Variants in RBFOX1 observed in about 807,000 individuals in gnomAD.
RBFOX1 encodes RNA binding fox-1 homolog 1, also known as RNA binding protein fox-1 homolog 1.
A neutral mutation model predicts 57.7 loss-of-function variants in RBFOX1; 8 were observed. The ratio of observed to expected loss-of-function variants is 0.14; its 90% confidence interval spans 0.08 to 0.25. RBFOX1 has a LOEUF of 0.25. Among genes scored for constraint, RBFOX1 ranks in the 10% least tolerant of loss-of-function variants. The pLI, the probability that RBFOX1 is intolerant of heterozygous loss-of-function variation, is 1.00. For missense variants in RBFOX1, 611 were observed against 548.5 expected (o/e 1.11, Z -1.14); for synonymous variants, 326 against 222.4 (o/e 1.47, Z -4.15).
chr16:5,557,133 A>G (rs1461952297), intron 2 of RBFOX1, among the ~76,000 whole-genome samples: 2 of 151,704 alleles, frequency 1.3e-5, no homozygotes, highest in African/African-American at 4.8e-5. Context: ...GGTGGCAGGC[A>G]CCTGTAGTCC....
intron 2 of RBFOX1, among the ~76,000 whole-genome samples, chr16:6,451,860 G>A (rs931185720): frequency 2.6e-5 from 4 of 151,334 alleles, no homozygotes; most frequent in African/African-American, 9.7e-5. Flanking sequence ...TTCCATCCAT[G>A]GCTCCTTCCT....
At chr16:7,368,144 G>A (rs1241498221) in intron 4 of RBFOX1, among the ~76,000 whole-genome samples, 1 of 151,954 alleles carries the variant, frequency 6.6e-6, no homozygotes, top group Non-Finnish European at 1.5e-5. Context: ...GCACACACCA[G>A]TAGTCCCAGC....
At chr16:7,203,849 A>G (rs11640114) in intron 4 of RBFOX1, among the ~76,000 whole-genome samples, 31,441 of 152,206 alleles carry the variant, frequency 0.21, 3,866 homozygotes, top group Non-Finnish European at 0.29. Flanking sequence ...TTAACCAGAA[A>G]TCTAAGTTTG....
intron 2 of RBFOX1, among the ~76,000 whole-genome samples, chr16:6,460,258 C>G (rs1406942064): frequency 1.3e-5 from 2 of 151,922 alleles, no homozygotes; most frequent in Non-Finnish European, 2.9e-5. Context: ...GTGTTTTTCC[C>G]TGTGTGTGTG....
chr16:6,825,123 A>C lies in RBFOX1; in HGVS notation c.-16+170473A>C, dbSNP rs182723358. Among the ~76,000 whole-genome samples the C allele has an allele frequency of 1.8e-3, 263 of 150,006 alleles. 2 individuals carry two copies. The highest frequency in any genetic ancestry group is 6.0e-3 in the African/African-American group (246 of 40,870). On this transcript the variant is annotated intron_variant, in intron 3 of 15. Transcript: ENST00000550418. ...ACAATTCTCCTGCCTCAGCCTCCCA[A>C]GTAGCTAGGATTAACAACCTCACTC...
intron 4 of RBFOX1, among the ~76,000 whole-genome samples, chr16:7,269,007 A>T (rs1054257014): frequency 7.3e-6 from 1 of 136,518 alleles, no homozygotes; most frequent in Non-Finnish European, 1.5e-5. Flanking sequence ...AGTGCACTCC[A>T]GCTTGGGCGA....
At chr16:6,800,003 C>T (rs919533081) in intron 3 of RBFOX1, among the ~76,000 whole-genome samples, 2 of 152,122 alleles carry the variant, frequency 1.3e-5, no homozygotes, top group Non-Finnish European at 2.9e-5. Context: ...ACACATATAT[C>T]CTATTAGTTC....
intron 4 of RBFOX1, among the ~76,000 whole-genome samples, chr16:7,217,113 T>G (rs1369275510): frequency 6.8e-6 from 1 of 146,248 alleles, no homozygotes; most frequent in Non-Finnish European, 1.5e-5. Flanking sequence ...TTCCCTTTCC[T>G]TTCCTTTCTT....
chr16:6,924,269 C>T (rs544801925), intron 3 of RBFOX1, among the ~76,000 whole-genome samples: 1 of 152,142 alleles, frequency 6.6e-6, no homozygotes, highest in East Asian at 1.9e-4. Context: ...GCTGGCTGTG[C>T]AGTTATGGCT....
At chr16:5,365,366 G>C (rs895165513) in intron 1 of RBFOX1, among the ~76,000 whole-genome samples, 2 of 152,076 alleles carry the variant, frequency 1.3e-5, no homozygotes, top group African/African-American at 4.8e-5. Context: ...AAAGATCCTG[G>C]CATTAAGAAA....
At chr16:5,505,313 C>A (rs923092555) in intron 2 of RBFOX1, among the ~76,000 whole-genome samples, 11 of 152,188 alleles carry the variant, frequency 7.2e-5, no homozygotes, top group African/African-American at 2.2e-4. Flanking sequence ...TGAACCAAAG[C>A]CTGCATTTTC....
At chr16:5,752,912 G>T (rs1735273244) in intron 3 of RBFOX1, among the ~76,000 whole-genome samples, 2 of 152,168 alleles carry the variant, frequency 1.3e-5, no homozygotes, top group African/African-American at 4.8e-5. Context: ...ACTTTGGGAG[G>T]CTGAGGCAAG....
intron 4 of RBFOX1, among the ~76,000 whole-genome samples, chr16:7,103,849 A>C (rs1001696234): frequency 6.6e-6 from 1 of 152,140 alleles, no homozygotes; most frequent in Non-Finnish European, 1.5e-5. Context: ...ATGAGAAAGT[A>C]CTATTACCTA....
chr16:7,075,904 C>T (rs1345705984), intron 4 of RBFOX1, among the ~76,000 whole-genome samples: 1 of 151,704 alleles, frequency 6.6e-6, no homozygotes, highest in Non-Finnish European at 1.5e-5. Context: ...AACATGTAAA[C>T]AATTTCCTGT....
chr16:7,559,576 T>C (rs993532027), intron 5 of RBFOX1, among the ~76,000 whole-genome samples: 4 of 152,208 alleles, frequency 2.6e-5, no homozygotes, highest in African/African-American at 7.2e-5. Flanking sequence ...GTGCAAACCC[T>C]GATACACGAG....
chr16:7,606,138 T>TC (rs1555659847), intron 9 of RBFOX1, among the ~76,000 whole-genome samples: 83 of 144,882 alleles, frequency 5.7e-4, no homozygotes, highest in Middle Eastern at 3.8e-3. Context: ...TTTTTTTTTT[T>TC]CCCGAGAGAG....
At chr16:6,210,383 A>AAAG (rs1567684632) in intron 1 of RBFOX1, among the ~76,000 whole-genome samples, 2 of 144,510 alleles carry the variant, frequency 1.4e-5, no homozygotes, top group Admixed American at 1.4e-4. Flanking sequence ...AAAAAAGAGA[A>AAAG]AGGAAGGAAG....
chr16:6,823,346 T>G (rs1226891625), intron 3 of RBFOX1, among the ~76,000 whole-genome samples: 1 of 151,890 alleles, frequency 6.6e-6, no homozygotes, highest in Non-Finnish European at 1.5e-5. Flanking sequence ...AACCTCCACC[T>G]CTTGGATTCA....
At chr16:7,686,349 C>G (rs967963998) in intron 14 of RBFOX1, among the ~76,000 whole-genome samples, 1 of 152,028 alleles carries the variant, frequency 6.6e-6, no homozygotes, top group Non-Finnish European at 1.5e-5. Context: ...ATCAAATATC[C>G]TATCCTTCTT....
Sources: allele counts gnomAD v4.1 joint callset (sites outside exome capture counted in the v4.1 genomes callset), GRCh38; gene constraint gnomAD v4.1.1; transcripts MANE v1.5; gene names NCBI Gene and HGNC (gene_info 2026-07-23, HGNC 2026-07-21).